MAD1L1: variants seen among roughly 807,000 people sequenced by gnomAD.
MAD1L1 encodes mitotic arrest deficient 1 like 1, also known as mitotic spindle assembly checkpoint protein MAD1.
MAD1L1 carries 95 observed loss-of-function variants against 96.9 expected under a neutral mutation model. The ratio of observed to expected loss-of-function variants is 0.98; its 90% CI spans 0.83 to 1.16. MAD1L1 has a LOEUF of 1.16. Ranked by LOEUF, MAD1L1 falls within the 50% of genes most tolerant of loss-of-function variation. The probability of loss-of-function intolerance (pLI) is 0.00; values close to 1 mark genes in which losing one functional copy is unlikely to be tolerated. For synonymous variants in MAD1L1, 473 were observed against 396.6 expected, an observed-to-expected ratio of 1.19 and a Z score of -2.29; for missense variants, 1,007 against 954.4, an observed-to-expected ratio of 1.06 and a Z score of -0.73.
In MAD1L1 at chr7:2,230,026, C is replaced by A. The variant is rs541980243; in HGVS notation, c.108G>T (p.Ser36=). 1.1e-5 allele frequency: 17 copies of A among 1,613,646 alleles called. No individual in the cohort carries two copies. Among genetic ancestry groups the A allele is most frequent in the Non-Finnish European group, 1.2e-5 (14 of 1,180,000 alleles). ...EGGSGLDIST[S]APGSLQMQYQ... is the part of the protein sequence containing the mutation. ...ACTGCATCTGCAGAGAACCTGGGGC[C>A]GAGGTAGAAATATCCAGTCCAGAGC... is the stretch of plus-strand genomic sequence containing the variant. The change falls in exon 3 of 19, where the codon TCG becomes TCT. Residue 36 remains serine, a synonymous_variant. Transcript: ENST00000265854.
Position 2,046,163 on chromosome 7 carries a change from G to A in MAD1L1, c.1218+23031C>T, listed in dbSNP as rs1239202359. Among the ~76,000 whole-genome samples, 7 of 152,124 alleles carry A rather than the reference G, an allele frequency of 4.6e-5. No individual in the cohort carries two copies. The South Asian group carries it at 1.5e-3, about 32-fold the overall frequency. On this transcript the variant is annotated intron_variant, in intron 12 of 18. Coordinates refer to ENST00000265854, the MANE Select transcript of MAD1L1 (RefSeq NM_001013836.2). The stretch of plus-strand genomic sequence containing the variant: ...ATGCGGGTGGTGGCGCAGGCCCCAC[G>A]CCCCAGGTGGACTGAAGCCCCGCCC...
intron 12 of MAD1L1, among the ~76,000 whole-genome samples, chr7:2,021,169 T>C (rs1443986499): frequency 6.6e-6 from 1 of 152,172 alleles, no homozygotes; most frequent in African/African-American, 2.4e-5. Flanking sequence ...GTATCTGCCG[T>C]GATAATGGCC....
At chr7:1,954,709 G>C (rs990454434) in intron 16 of MAD1L1, among the ~76,000 whole-genome samples, 2 of 152,194 alleles carry the variant, frequency 1.3e-5, no homozygotes, top group African/African-American at 4.8e-5. Context: ...CTAACATGGA[G>C]AGTCTGAGCT....
intron 12 of MAD1L1, among the ~76,000 whole-genome samples, chr7:2,045,815 C>T (rs1450790108): frequency 6.6e-6 from 1 of 152,174 alleles, no homozygotes; most frequent in Admixed American, 6.5e-5. Context: ...CTTCAGGGCC[C>T]GTCCCAGGCC....
At chr7:2,167,244 C>T (rs1001271528) in intron 10 of MAD1L1, among the ~76,000 whole-genome samples, 1 of 152,190 alleles carries the variant, frequency 6.6e-6, no homozygotes, top group African/African-American at 2.4e-5. Context: ...CCTGACTGTT[C>T]TACCTTTAGT....
intron 12 of MAD1L1, among the ~76,000 whole-genome samples, chr7:2,068,021 G>A (rs527954849): frequency 3.0e-4 from 45 of 152,390 alleles, no homozygotes; most frequent in African/African-American, 8.9e-4. Context: ...CACAGAGGAA[G>A]GTCGAGAGCT....
At chr7:2,063,949 G>A (rs1319528931) in intron 12 of MAD1L1, among the ~76,000 whole-genome samples, 2 of 152,220 alleles carry the variant, frequency 1.3e-5, no homozygotes, top group African/African-American at 4.8e-5. Flanking sequence ...CCCCAGGCCT[G>A]GGAGAATCCC....
At chr7:1,854,598 C>T (rs965444339) in intron 18 of MAD1L1, among the ~76,000 whole-genome samples, 2 of 152,142 alleles carry the variant, frequency 1.3e-5, no homozygotes, top group African/African-American at 4.8e-5. Flanking sequence ...ACCACCTCAG[C>T]ACCTCCCGAA....
In MAD1L1 at chr7:2,088,389, G is replaced by A. The variant is rs1786036498; in HGVS notation, c.1074-19051C>T. 6.6e-6 allele frequency among the ~76,000 whole-genome samples: 1 copy of A among 152,146 alleles called. No individual in the cohort carries two copies. The highest frequency in any genetic ancestry group is 1.5e-5 in the Non-Finnish European group (1 of 68,016). On this transcript the variant is annotated intron_variant, in intron 11 of 18. Transcript: ENST00000265854. This position sits in a 1 kb window ranked among gnomAD's most constrained non-coding sequence, Gnocchi z 4.4. ...CCTCCAACCTTCTGGCCCACACTGA[G>A]CCACCTATTCCCACCACAGCCCCCG...
At chr7:2,232,646 C>T (rs926844244) in intron 1 of MAD1L1, among the ~76,000 whole-genome samples, 2 of 152,166 alleles carry the variant, frequency 1.3e-5, no homozygotes, top group African/African-American at 4.8e-5. Flanking sequence ...CAGCACAGCC[C>T]AAAGGGGGAG....
intron 17 of MAD1L1, among the ~76,000 whole-genome samples, chr7:1,916,860 G>A (rs1263761622): frequency 2.0e-5 from 3 of 151,900 alleles, no homozygotes; most frequent in Admixed American, 6.5e-5. Flanking sequence ...CGACCCTGGC[G>A]CATCTCCCGA....
chr7:1,894,855 A>G (rs201044704), intron 18 of MAD1L1, among the ~76,000 whole-genome samples: 18 of 152,090 alleles, frequency 1.2e-4, no homozygotes, highest in Non-Finnish European at 2.4e-4. Flanking sequence ...AGAGGCTGTG[A>G]AAAGAAGCCT....
At chr7:2,169,107 A>C (rs1311450725) in intron 10 of MAD1L1, among the ~76,000 whole-genome samples, 1 of 152,220 alleles carries the variant, frequency 6.6e-6, no homozygotes, top group Admixed American at 6.5e-5. Flanking sequence ...GAGGCAAACG[A>C]TCCGTGACAG....
chr7:1,910,977 G>A (rs62442900), intron 17 of MAD1L1, among the ~76,000 whole-genome samples: 53,702 of 151,724 alleles, frequency 0.35, 9,497 homozygotes, highest in Middle Eastern at 0.42. Context: ...CGGAGGCCCT[G>A]GCGGGGCCTG....
rs139464500 is a variant in MAD1L1, at chr7:1,868,686, G to A, written c.1998+29514C>T. On this transcript the variant is annotated intron_variant, in intron 18 of 18. Transcript: ENST00000265854. ...GCCGGGTAGGAGTGACACGCACTGC[G>A]TGTTCACAGCCTTAACCAGAGGCGA... Among the ~76,000 whole-genome samples the A allele has an allele frequency of 1.5e-3, 224 of 152,362 alleles. 1 individual carries two copies. Among genetic ancestry groups the A allele is most frequent in the Admixed American group, 4.9e-3 (75 of 15,308 alleles).
chr7:1,853,789 C>A (rs993998767), intron 18 of MAD1L1, among the ~76,000 whole-genome samples: 23 of 152,162 alleles, frequency 1.5e-4, no homozygotes, highest in African/African-American at 4.8e-4. Flanking sequence ...CCTGCCTCTG[C>A]ACCCCCTCCC....
At chr7:1,944,624 T>A (rs1322205360) in intron 16 of MAD1L1, among the ~76,000 whole-genome samples, 1 of 152,132 alleles carries the variant, frequency 6.6e-6, no homozygotes, top group East Asian at 1.9e-4. Context: ...CTGCTTGGGC[T>A]GGGAAATGTG....
At chr7:2,216,080 G>A in intron 8 of MAD1L1, 77 bp downstream of exon 8, 1 of 1,608,484 alleles carries the variant, frequency 6.2e-7, no homozygotes, top group South Asian at 1.1e-5. Flanking sequence ...TGCCCCTACA[G>A]GGTCTGCACA....
chr7:1,933,681 T>G (rs1789611652), intron 17 of MAD1L1, among the ~76,000 whole-genome samples: 1 of 152,266 alleles, frequency 6.6e-6, no homozygotes, highest in Non-Finnish European at 1.5e-5. Flanking sequence ...ACCTGGGTAC[T>G]GCACTTTAAG....
Sources: gnomAD v4.1 joint callset for allele counts (sites outside exome capture counted in the v4.1 genomes callset) on GRCh38, gnomAD v4.1.1 for gene constraint, Gnocchi (gnomAD v3.1) non-coding constraint, MANE v1.5 for transcripts, NCBI Gene and HGNC (gene_info 2026-07-23, HGNC 2026-07-21) for gene names.